CNTN6: variants seen among roughly 807,000 people sequenced by gnomAD.
CNTN6 encodes the protein contactin 6.
In CNTN6, 137 loss-of-function variants were observed where a neutral mutation model predicts 122.8. The observed-to-expected ratio is 1.12, with a 90% CI of 0.97 to 1.29. CNTN6 has a LOEUF of 1.29. Ranked by LOEUF, CNTN6 falls within the 50% of genes most tolerant of loss-of-function variation. The pLI, the probability that CNTN6 is intolerant of heterozygous loss-of-function variation, is 0.00. For synonymous variants in CNTN6, 570 were observed against 426.0 expected (o/e 1.34, Z -4.16); for missense variants, 1,634 against 1,223.4 (o/e 1.34, Z -5.01).
At chr3:1,314,021 A>G (rs1699764419) in intron 7 of CNTN6, among the ~76,000 whole-genome samples, 1 of 152,108 alleles carries the variant, frequency 6.6e-6, no homozygotes, top group Admixed American at 6.6e-5. Context: ...TTTCCAACCT[A>G]TAAATTTGGG....
chr3:1,306,872 A>T (rs894518176), intron 7 of CNTN6, among the ~76,000 whole-genome samples: 3 of 152,220 alleles, frequency 2.0e-5, no homozygotes, highest in Admixed American at 6.5e-5. Context: ...CCAGAAGAAT[A>T]GATTTATCAT....
At chr3:1,127,053 ATAAAAG>A (rs1271840576) in intron 1 of CNTN6, among the ~76,000 whole-genome samples, 1 of 151,536 alleles carries the variant, frequency 6.6e-6, no homozygotes, top group African/African-American at 2.4e-5. Flanking sequence ...TACAAATTAT[ATAAAAG>A]TAAATTTAGT....
intron 4 of CNTN6, among the ~76,000 whole-genome samples, chr3:1,247,309 A>G (rs1226120450): frequency 6.6e-6 from 1 of 152,202 alleles, no homozygotes; most frequent in Non-Finnish European, 1.5e-5. Context: ...AAAGGGAATT[A>G]AATCTGCATG....
chr3:1,331,976 T>C (rs919110772), intron 11 of CNTN6, among the ~76,000 whole-genome samples: 6 of 151,992 alleles, frequency 3.9e-5, no homozygotes, highest in Non-Finnish European at 5.9e-5. Context: ...CCACAGTTAC[T>C]AATAATCATA....
chr3:1,259,047 G>C (rs1300823195), intron 4 of CNTN6, among the ~76,000 whole-genome samples: 1 of 152,148 alleles, frequency 6.6e-6, no homozygotes, highest in Non-Finnish European at 1.5e-5. Context: ...AAAACAGACA[G>C]TGAGTAGGAT....
chr3:1,243,167 C>G (rs562427541), intron 4 of CNTN6, among the ~76,000 whole-genome samples: 5 of 152,274 alleles, frequency 3.3e-5, no homozygotes, highest in East Asian at 3.9e-4. Context: ...GTGAGTTGAA[C>G]AGTCCGATTT....
intron 7 of CNTN6, among the ~76,000 whole-genome samples, chr3:1,318,273 CAT>C (rs538796812): frequency 6.6e-6 from 1 of 151,376 alleles, no homozygotes; most frequent in African/African-American, 2.4e-5. Context: ...AAGTTCTCAA[CAT>C]ATGTTCACAA....
chr3:1,190,877 A>G (rs531281908), intron 2 of CNTN6, among the ~76,000 whole-genome samples: 11 of 152,280 alleles, frequency 7.2e-5, no homozygotes, highest in Admixed American at 7.2e-4. Flanking sequence ...GGTGGTGGGT[A>G]CATGTTACAT....
intron 2 of CNTN6, among the ~76,000 whole-genome samples, chr3:1,208,577 T>C (rs1057386362): frequency 6.6e-6 from 1 of 152,110 alleles, no homozygotes; most frequent in Admixed American, 6.6e-5. Context: ...AGTTCGTTAA[T>C]TGTTTTCTTA....
chr3:1,179,226 G>T (rs899327738), intron 2 of CNTN6, among the ~76,000 whole-genome samples: 2 of 152,144 alleles, frequency 1.3e-5, no homozygotes, highest in African/African-American at 4.8e-5. Context: ...AGCCATTCAT[G>T]AGGGATCTGC....
At chr3:1,245,470 A>G (rs1441694746) in intron 4 of CNTN6, among the ~76,000 whole-genome samples, 2 of 148,656 alleles carry the variant, frequency 1.3e-5, no homozygotes, top group East Asian at 4.0e-4. Context: ...TCTTATTCAT[A>G]TGTGGGAGCT....
At chr3:1,247,181 T>C (rs192297046) in intron 4 of CNTN6, among the ~76,000 whole-genome samples, 40 of 151,880 alleles carry the variant, frequency 2.6e-4, no homozygotes, top group Non-Finnish European at 4.9e-4. Context: ...TATTTATTCA[T>C]TTATTTTCAT....
At chr3:1,323,895 A>T (rs1701193895) in intron 8 of CNTN6, among the ~76,000 whole-genome samples, 1 of 139,628 alleles carries the variant, frequency 7.2e-6, no homozygotes, top group Non-Finnish European at 1.5e-5. Context: ...GAATAAATAA[A>T]TGTGTTCTGT....
At chr3:1,239,711 G>A (rs558477834) in intron 4 of CNTN6, among the ~76,000 whole-genome samples, 10 of 152,230 alleles carry the variant, frequency 6.6e-5, no homozygotes, top group South Asian at 6.2e-4. Flanking sequence ...AGCCCACACA[G>A]CCAAAGCAAG....
At chr3:1,336,783 A>G (rs556294835) in intron 11 of CNTN6, among the ~76,000 whole-genome samples, 1 of 152,274 alleles carries the variant, frequency 6.6e-6, no homozygotes, top group East Asian at 1.9e-4. Context: ...CCTCAAATTT[A>G]GAGCAGACCC....
At chr3:1,378,962 G>A (rs1312444472) in intron 17 of CNTN6, among the ~76,000 whole-genome samples, 3 of 152,086 alleles carry the variant, frequency 2.0e-5, no homozygotes, top group African/African-American at 7.2e-5. Context: ...GTCTACAAGA[G>A]AATTGTTTGT....
chr3:1,217,055 A>G (rs1559531978), intron 2 of CNTN6, among the ~76,000 whole-genome samples: 1 of 152,206 alleles, frequency 6.6e-6, no homozygotes, highest in African/African-American at 2.4e-5. Flanking sequence ...TATTTTATAA[A>G]CAATATATTA....
At chr3:1,377,107 G>A (rs2126156437) in intron 17 of CNTN6, 32 bp downstream of exon 17, 15 of 1,459,750 alleles carry the variant, frequency 1.0e-5, no homozygotes, top group South Asian at 1.2e-5. Flanking sequence ...TTATTTTGAA[G>A]AAAAGAGATT....
chr3:1,225,699 G>GTTT (rs35640182), intron 3 of CNTN6, among the ~76,000 whole-genome samples: 5 of 109,624 alleles, frequency 4.6e-5, no homozygotes, highest in African/African-American at 2.4e-4. Flanking sequence ...TTTTATTATT[G>GTTT]TTTTTTTTTT....
Sources: allele counts gnomAD v4.1 joint callset (sites outside exome capture counted in the v4.1 genomes callset), GRCh38; gene constraint gnomAD v4.1.1; transcripts MANE v1.5; gene names NCBI Gene and HGNC (gene_info 2026-07-23, HGNC 2026-07-21).